The following EYS variants were observed in gnomAD, a reference collection of about 807,000 sequenced individuals.
The protein encoded by EYS is EGF-like photoreceptor maintenance factor.
EYS carries 250 observed loss-of-function variants against 282.1 expected under a neutral mutation model. The observed-to-expected ratio is 0.89, with a 90% CI of 0.80 to 0.98. The LOEUF is 0.98. Among genes scored for constraint, EYS ranks in the 50% least tolerant of loss-of-function variants. EYS has a pLI of 0.00. For missense variants in EYS, 4,016 were observed against 3,709.0 expected, an observed-to-expected ratio of 1.08 and a Z score of -2.15; for synonymous variants, 1,355 against 1,282.9, an observed-to-expected ratio of 1.06 and a Z score of -1.20.
At chr6:64,685,107 A>G (rs778755418) in intron 22 of EYS, among the ~76,000 whole-genome samples, 25 of 152,160 alleles carry the variant, frequency 1.6e-4, no homozygotes, top group Non-Finnish European at 3.1e-4. Flanking sequence ...AACAAAAAGT[A>G]TAAGAAATTT....
intron 31 of EYS, among the ~76,000 whole-genome samples, chr6:64,171,215 C>T (rs9450994): frequency 0.055 from 8,421 of 152,166 alleles, 738 homozygotes; most frequent in African/African-American, 0.19. Flanking sequence ...ATGATAATTA[C>T]GGTATCCATC....
At chr6:64,375,433 C>T (rs1772530888) in intron 29 of EYS, among the ~76,000 whole-genome samples, 1 of 152,174 alleles carries the variant, frequency 6.6e-6, no homozygotes, top group Non-Finnish European at 1.5e-5. Context: ...TGAAATTTTT[C>T]CAGACTAAAT....
intron 36 of EYS, among the ~76,000 whole-genome samples, chr6:63,837,459 A>C (rs1309434188): frequency 6.6e-6 from 1 of 152,100 alleles, no homozygotes; most frequent in African/African-American, 2.4e-5. Flanking sequence ...GAGTGTCCTG[A>C]ACAAGACCCC....
intron 12 of EYS, among the ~76,000 whole-genome samples, chr6:65,176,417 G>A (rs1765226002): frequency 6.6e-6 from 1 of 151,436 alleles, no homozygotes; most frequent in Non-Finnish European, 1.5e-5. Context: ...CACAGAAATA[G>A]CAAGATAATT....
chr6:65,617,633 T>C (rs1005601483), intron 2 of EYS, among the ~76,000 whole-genome samples: 3 of 151,654 alleles, frequency 2.0e-5, no homozygotes, highest in Non-Finnish European at 2.9e-5. Flanking sequence ...ACATGTGCCA[T>C]GCTGGTGCGC....
chr6:65,066,119 C>A (rs924496506), intron 12 of EYS, among the ~76,000 whole-genome samples: 7 of 152,100 alleles, frequency 4.6e-5, no homozygotes, highest in Non-Finnish European at 7.3e-5. Context: ...TGAGCCTGGC[C>A]AAGCCTTTTC....
chr6:63,810,465 A>T (rs1383639607), intron 36 of EYS, among the ~76,000 whole-genome samples: 1 of 152,154 alleles, frequency 6.6e-6, no homozygotes, highest in Non-Finnish European at 1.5e-5. Flanking sequence ...GCAGTGATGC[A>T]TCCTGAAGCC....
At chr6:64,499,949 T>C (rs562799255) in intron 26 of EYS, among the ~76,000 whole-genome samples, 2 of 152,126 alleles carry the variant, frequency 1.3e-5, no homozygotes, top group African/African-American at 4.8e-5. Flanking sequence ...TACTGCAAGG[T>C]AACTTTTGAT....
At chr6:64,239,859 G>C (rs1484033836) in intron 30 of EYS, among the ~76,000 whole-genome samples, 2 of 152,066 alleles carry the variant, frequency 1.3e-5, no homozygotes, top group Non-Finnish European at 2.9e-5. Context: ...TATTGTCTAG[G>C]TTTTCTTCTA....
At chr6:64,354,146 A>G (rs978162683) in intron 29 of EYS, among the ~76,000 whole-genome samples, 2 of 151,646 alleles carry the variant, frequency 1.3e-5, no homozygotes, top group African/African-American at 2.4e-5. Context: ...AGGTAACACG[A>G]TAGAGTATTA....
chr6:65,690,942 A>G (rs1223525602), intron 1 of EYS, among the ~76,000 whole-genome samples: 1 of 150,366 alleles, frequency 6.7e-6, no homozygotes, highest in Non-Finnish European at 1.5e-5. Context: ...ACAGTATTCC[A>G]TGGTGTATAT....
intron 12 of EYS, among the ~76,000 whole-genome samples, chr6:65,237,726 C>G (rs1042025224): frequency 6.6e-6 from 1 of 152,124 alleles, no homozygotes; most frequent in African/African-American, 2.4e-5. Context: ...TAAATGAGTT[C>G]ATAAGCAGGA....
intron 4 of EYS, among the ~76,000 whole-genome samples, chr6:65,492,200 C>A (rs987346761): frequency 1.3e-5 from 2 of 151,896 alleles, no homozygotes; most frequent in African/African-American, 4.8e-5. Context: ...ATTAAAGTGG[C>A]AAATGGAGTA....
intron 37 of EYS, among the ~76,000 whole-genome samples, chr6:63,791,934 G>C (rs897267597): frequency 6.6e-6 from 1 of 152,076 alleles, no homozygotes; most frequent in Non-Finnish European, 1.5e-5. Flanking sequence ...AGAGGGGTCA[G>C]AAAAATGGGA....
intron 12 of EYS, among the ~76,000 whole-genome samples, chr6:65,206,616 T>C (rs1766042487): frequency 6.6e-6 from 1 of 151,770 alleles, no homozygotes; most frequent in African/African-American, 2.4e-5. Flanking sequence ...CGAACATGGA[T>C]GTAAAAATCC....
intron 12 of EYS, among the ~76,000 whole-genome samples, chr6:65,220,418 T>A (rs1766432415): frequency 6.6e-6 from 1 of 152,110 alleles, no homozygotes; most frequent in African/African-American, 2.4e-5. Context: ...TGATAGTGAA[T>A]AAGCCTCATG....
At chr6:63,922,180 T>A (rs1052232531) in intron 35 of EYS, among the ~76,000 whole-genome samples, 1 of 152,228 alleles carries the variant, frequency 6.6e-6, no homozygotes, top group Admixed American at 6.5e-5. Context: ...ATTGTTTAAA[T>A]CACTCCATCT....
intron 22 of EYS, among the ~76,000 whole-genome samples, chr6:64,695,450 C>T (rs1010339879): frequency 1.3e-5 from 2 of 152,110 alleles, no homozygotes; most frequent in Non-Finnish European, 2.9e-5. Context: ...CTCATCCTCC[C>T]AGTACATTGC....
intron 31 of EYS, among the ~76,000 whole-genome samples, chr6:64,158,005 A>G (rs1774986539): frequency 6.6e-6 from 1 of 152,104 alleles, no homozygotes; most frequent in African/African-American, 2.4e-5. Flanking sequence ...CTCAATGACA[A>G]CCTGTGAAAG....
Sources: allele counts gnomAD v4.1 joint callset (sites outside exome capture counted in the v4.1 genomes callset), GRCh38; gene constraint gnomAD v4.1.1; transcripts MANE v1.5; gene names NCBI Gene and HGNC (gene_info 2026-07-23, HGNC 2026-07-21).